RBFOX1: variants seen among roughly 807,000 people sequenced by gnomAD.
RBFOX1 encodes the protein RNA binding fox-1 homolog 1, also known as RNA binding protein fox-1 homolog 1.
Under a neutral mutation model 57.7 loss-of-function variants are expected in RBFOX1, and 8 were observed. That is an observed-to-expected ratio of 0.14 (90% confidence interval 0.08 to 0.25). The LOEUF is 0.25. Among genes scored for constraint, RBFOX1 ranks in the 10% least tolerant of loss-of-function variants. RBFOX1 has a pLI of 1.00. For missense variants in RBFOX1, 611 were observed against 548.5 expected (o/e 1.11, Z -1.14); for synonymous variants, 326 against 222.4 (o/e 1.47, Z -4.15).
intron 1 of RBFOX1, among the ~76,000 whole-genome samples, chr16:6,254,869 G>A (rs908975511): frequency 6.6e-6 from 1 of 152,058 alleles, no homozygotes; most frequent in African/African-American, 2.4e-5. Flanking sequence ...TTTACATGGT[G>A]CAACAACTTT....
intron 3 of RBFOX1, among the ~76,000 whole-genome samples, chr16:5,741,871 C>T (rs1194400221): frequency 6.6e-6 from 1 of 152,166 alleles, no homozygotes; most frequent in African/African-American, 2.4e-5. Flanking sequence ...TACCTTAATA[C>T]CTGCCGTATT....
intron 4 of RBFOX1, among the ~76,000 whole-genome samples, chr16:7,210,006 A>T (rs900448148): frequency 6.6e-6 from 1 of 152,190 alleles, no homozygotes; most frequent in Admixed American, 6.5e-5. Context: ...GCCTCTAAAA[A>T]TGATCATTCT....
intron 4 of RBFOX1, among the ~76,000 whole-genome samples, chr16:7,137,210 G>T (rs984052848): frequency 1.3e-5 from 2 of 152,154 alleles, no homozygotes; most frequent in African/African-American, 4.8e-5. Flanking sequence ...GACTCTTCTG[G>T]TGCACACTAG....
intron 4 of RBFOX1, among the ~76,000 whole-genome samples, chr16:5,948,304 C>A (rs762882792): frequency 6.6e-6 from 1 of 152,104 alleles, no homozygotes; most frequent in Non-Finnish European, 1.5e-5. Context: ...AGGAGAGGAC[C>A]AAAACATTTG....
At chr16:7,572,676 A>G (rs1351662561) in intron 5 of RBFOX1, among the ~76,000 whole-genome samples, 1 of 152,076 alleles carries the variant, frequency 6.6e-6, no homozygotes, top group African/African-American at 2.4e-5. Flanking sequence ...TGTCTCTACT[A>G]AAAATACAAA....
At chr16:7,190,042 G>T (rs1007326380) in intron 4 of RBFOX1, among the ~76,000 whole-genome samples, 11 of 152,276 alleles carry the variant, frequency 7.2e-5, no homozygotes, top group Admixed American at 1.3e-4. Context: ...TGATTTACTG[G>T]CAGGGCTAGC....
chr16:7,064,025 T>C (rs1351750575), intron 4 of RBFOX1, among the ~76,000 whole-genome samples: 3 of 152,172 alleles, frequency 2.0e-5, no homozygotes, highest in African/African-American at 7.2e-5. Flanking sequence ...AGTTGTGTCC[T>C]GACAAAAGTC....
At chr16:7,486,027 G>A (rs1474064363) in intron 4 of RBFOX1, among the ~76,000 whole-genome samples, 1 of 151,694 alleles carries the variant, frequency 6.6e-6, no homozygotes, top group Non-Finnish European at 1.5e-5. Flanking sequence ...CTCTTTACAG[G>A]AAAACACAAT....
intron 3 of RBFOX1, among the ~76,000 whole-genome samples, chr16:6,835,807 C>T (rs373100512): frequency 8.3e-5 from 12 of 144,416 alleles, no homozygotes; most frequent in South Asian, 6.9e-4. Flanking sequence ...AGCTCTAAAT[C>T]GGTGTCCTGA....
At chr16:6,497,409 C>G (rs1246484769) in intron 2 of RBFOX1, among the ~76,000 whole-genome samples, 2 of 152,142 alleles carry the variant, frequency 1.3e-5, no homozygotes, top group African/African-American at 4.8e-5. Flanking sequence ...TTTTCCCACT[C>G]TGTAGATAGT....
intron 1 of RBFOX1, among the ~76,000 whole-genome samples, chr16:6,106,325 A>G (rs7403856): frequency 0.69 from 104,801 of 151,446 alleles, 36,752 homozygotes; most frequent in African/African-American, 0.8. Context: ...GTCAGGCTTG[A>G]TGACAGGTGT....
rs552528594 is a variant in RBFOX1 at position 5,596,590 on chromosome 16, G to A, written c.259-2312G>A. ...AGGCCCGTCTCAAAGAAAGGACCAG[G>A]CTGTAGATAGGGATCCCAGGGCATC... On this transcript the variant is annotated intron_variant, in intron 2 of 2. Transcript: ENST00000585867. Among the ~76,000 whole-genome samples the A allele has an allele frequency of 2.0e-5, 3 of 152,302 alleles. No individual in the cohort carries two copies. The South Asian group carries it at 6.2e-4, about 32-fold the overall frequency.
At chr16:7,442,706 G>T (rs2098778238) in intron 4 of RBFOX1, among the ~76,000 whole-genome samples, 1 of 152,094 alleles carries the variant, frequency 6.6e-6, no homozygotes, top group African/African-American at 2.4e-5. Context: ...CTTTTACGAG[G>T]GTGGATGGTT....
chr16:6,357,503 T>C (rs1568008845), intron 2 of RBFOX1, among the ~76,000 whole-genome samples: 1 of 152,056 alleles, frequency 6.6e-6, no homozygotes. Flanking sequence ...AAAGAGCTGT[T>C]GAGGGTGTCT....
intron 14 of RBFOX1, among the ~76,000 whole-genome samples, chr16:7,684,798 G>A (rs1254456388): frequency 1.3e-5 from 2 of 152,030 alleles, no homozygotes; most frequent in African/African-American, 2.4e-5. Flanking sequence ...AACAGAATAT[G>A]AGCCCAGGTA....
intron 2 of RBFOX1, among the ~76,000 whole-genome samples, chr16:5,570,179 CTCTT>C (rs2046230825): frequency 6.6e-6 from 1 of 152,182 alleles, no homozygotes; most frequent in African/African-American, 2.4e-5. Flanking sequence ...TGCTCACTCT[CTCTT>C]TTTTTTCCTC....
At chr16:7,053,046 T>G (rs1330092928) in intron 4 of RBFOX1, among the ~76,000 whole-genome samples, 1 of 152,206 alleles carries the variant, frequency 6.6e-6, no homozygotes, top group Non-Finnish European at 1.5e-5. Context: ...CATAATGTAT[T>G]TAACAGGCCT....
chr16:5,359,589 C>G (rs1404966860), intron 1 of RBFOX1, among the ~76,000 whole-genome samples: 1 of 152,114 alleles, frequency 6.6e-6, no homozygotes, highest in Non-Finnish European at 1.5e-5. Context: ...TTTCATATGC[C>G]TGTTTGTCAT....
chr16:6,633,453 T>TTTA (rs556251829), intron 2 of RBFOX1, among the ~76,000 whole-genome samples: 38 of 151,972 alleles, frequency 2.5e-4, no homozygotes, highest in Non-Finnish European at 3.1e-4. Flanking sequence ...GATTTTTGCA[T>TTTA]TTATTATTAT....
Sources: allele counts gnomAD v4.1 joint callset (sites outside exome capture counted in the v4.1 genomes callset), GRCh38; gene constraint gnomAD v4.1.1; transcripts MANE v1.5; gene names NCBI Gene and HGNC (gene_info 2026-07-23, HGNC 2026-07-21).